The following NRG3 variants were observed in gnomAD, a reference collection of about 807,000 sequenced individuals.
NRG3 encodes neuregulin 3.
NRG3 carries 31 observed loss-of-function variants against 66.9 expected under a neutral mutation model. That is an observed-to-expected ratio of 0.46 (90% confidence interval 0.35 to 0.63). NRG3 has a LOEUF of 0.63. Among genes scored for constraint, NRG3 ranks in the 20% least tolerant of loss-of-function variants. The pLI is 0.00. For synonymous variants in NRG3, 393 were observed against 359.4 expected, an observed-to-expected ratio of 1.09 and a Z score of -1.06; for missense variants, 910 against 878.9, an observed-to-expected ratio of 1.04 and a Z score of -0.45.
intron 6 of NRG3, among the ~76,000 whole-genome samples, chr10:82,968,683 G>A (rs1851440544): frequency 6.6e-6 from 1 of 151,758 alleles, no homozygotes; most frequent in African/African-American, 2.4e-5. Context: ...GAGGCAGGGA[G>A]GGAGGAAGGG....
intron 1 of NRG3, among the ~76,000 whole-genome samples, chr10:82,018,604 A>G (rs539823858): frequency 2.0e-5 from 3 of 152,100 alleles, no homozygotes; most frequent in Admixed American, 6.5e-5. Context: ...ATCCTCTTTT[A>G]TTTCGTTGAG....
At chr10:82,818,695 C>G (rs562012316) in intron 3 of NRG3, among the ~76,000 whole-genome samples, 2 of 152,216 alleles carry the variant, frequency 1.3e-5, no homozygotes, top group South Asian at 4.1e-4. Context: ...AATTCCAGGG[C>G]TGCACAGATC....
At position 82,067,406 on chromosome 10, in the gene NRG3, C is replaced by T. The variant is rs556576925; in HGVS notation, c.823+191243C>T. Among the ~76,000 whole-genome samples the T allele has an allele frequency of 1.8e-4, 27 of 152,280 alleles. No individual in the cohort carries two copies. In the South Asian group the frequency reaches 4.6e-3, roughly 26 times the overall value. ...GGAGACAGAGCCTTGCTCTATCCCC[C>T]AGGCGCAATCTTGCCCACTGCAACC... is the stretch of plus-strand genomic sequence containing the variant. On this transcript the variant is annotated intron_variant, in intron 1 of 8. Coordinates refer to ENST00000372141, the MANE Select transcript of NRG3 (RefSeq NM_001010848.4).
At chr10:82,080,606 GTAAC>G (rs1348096764) in intron 1 of NRG3, among the ~76,000 whole-genome samples, 6 of 152,030 alleles carry the variant, frequency 3.9e-5, no homozygotes, top group South Asian at 2.1e-4. Flanking sequence ...AGCTAAGTGA[GTAAC>G]TAAGTTTCAA....
At chr10:82,266,226 T>C (rs889729161) in intron 1 of NRG3, among the ~76,000 whole-genome samples, 5 of 152,130 alleles carry the variant, frequency 3.3e-5, no homozygotes, top group African/African-American at 1.2e-4. Flanking sequence ...ATTGAGCCTA[T>C]TGGTCTCAGT....
chr10:82,850,296 C>A (rs189045706), intron 3 of NRG3, among the ~76,000 whole-genome samples: 2 of 152,218 alleles, frequency 1.3e-5, no homozygotes, highest in Admixed American at 6.5e-5. Flanking sequence ...AGGTTATCAA[C>A]CATTACAAGA....
At chr10:82,897,965 A>C (rs993351462) in intron 4 of NRG3, among the ~76,000 whole-genome samples, 1 of 152,184 alleles carries the variant, frequency 6.6e-6, no homozygotes, top group Non-Finnish European at 1.5e-5. Context: ...AGCACTTACT[A>C]TAAGGAGGAA....
At position 82,979,201 on chromosome 10, in the gene NRG3, GT is replaced by G. The variant is rs1276211386; in HGVS notation, c.1583+85del. The G allele has an allele frequency of 1.9e-5, 27 of 1,403,890 alleles. No individual in the cohort carries two copies. In the African/African-American group the frequency reaches 3.3e-4, roughly 17 times the overall value. 87.0% of individuals were successfully genotyped at this position (1,403,890 alleles called of 1,614,324 possible). ...TAAGTTAAGTTTTAAGTTCCTTGGG[GT>G]TTTATTCATTGATTTATTCATTAAC... On this transcript the variant is annotated intron_variant, in intron 8 of 8. Coordinates refer to ENST00000372141, the MANE Select transcript of NRG3 (RefSeq NM_001010848.4).
At chr10:82,682,727 A>T (rs2054198785) in intron 2 of NRG3, among the ~76,000 whole-genome samples, 1 of 152,104 alleles carries the variant, frequency 6.6e-6, no homozygotes, top group South Asian at 2.1e-4. Context: ...TTTGATGGAG[A>T]CTTAAAGCTT....
rs141276273 is a variant in NRG3, at chr10:82,486,555, C to T, written c.953+127687C>T. ...TCAGCCTCCCAAGTAGCTGGGATTA[C>T]AGGCATGTGCCACCCCACCTGGCTA... On this transcript the variant is annotated intron_variant, in intron 2 of 8. Transcript: ENST00000372141. Among the ~76,000 whole-genome samples, 676 of 152,182 alleles carry T rather than the reference C, an allele frequency of 4.4e-3. 3 individuals are homozygous for T. The highest frequency in any genetic ancestry group is 0.016 in the African/African-American group (652 of 41,524).
At chr10:82,760,502 G>A (rs1262303680) in intron 3 of NRG3, among the ~76,000 whole-genome samples, 1 of 152,024 alleles carries the variant, frequency 6.6e-6, no homozygotes, top group African/African-American at 2.4e-5. Flanking sequence ...ATAATTAATA[G>A]CGAAGCATAA....
chr10:82,911,086 T>C (rs569462247), intron 4 of NRG3, among the ~76,000 whole-genome samples: 3 of 152,344 alleles, frequency 2.0e-5, no homozygotes, highest in East Asian at 3.9e-4. Context: ...GAATTTTCCA[T>C]TTAGCATGGG....
chr10:82,949,629 C>A (rs1849331797), intron 4 of NRG3, among the ~76,000 whole-genome samples: 8 of 152,024 alleles, frequency 5.3e-5, no homozygotes, highest in Admixed American at 5.2e-4. Context: ...CCGAGGCAGG[C>A]AGATCAGCTG....
intron 1 of NRG3, among the ~76,000 whole-genome samples, chr10:82,319,204 G>T (rs1241281694): frequency 1.3e-5 from 2 of 152,230 alleles, no homozygotes; most frequent in African/African-American, 2.4e-5. Context: ...TGGCCCTGCA[G>T]AGCTGGCTGC....
At chr10:82,656,299 T>C (rs1158867247) in intron 2 of NRG3, among the ~76,000 whole-genome samples, 1 of 114,816 alleles carries the variant, frequency 8.7e-6, no homozygotes, top group Non-Finnish European at 1.9e-5. Flanking sequence ...CTTTCTTTCT[T>C]TCTTTTTTCT....
chr10:82,539,789 C>T (rs111863771), intron 2 of NRG3, among the ~76,000 whole-genome samples: 17 of 152,086 alleles, frequency 1.1e-4, no homozygotes, highest in African/African-American at 3.6e-4. Flanking sequence ...CTTGCCACCA[C>T]GGCCAGCTAA....
chr10:82,307,411 A>G (rs1037275761), intron 1 of NRG3, among the ~76,000 whole-genome samples: 2 of 152,220 alleles, frequency 1.3e-5, no homozygotes, highest in African/African-American at 4.8e-5. Context: ...TTTGACATGA[A>G]GTCACTGGTT....
At chr10:82,342,121 A>G (rs1014052765) in intron 1 of NRG3, among the ~76,000 whole-genome samples, 3 of 151,584 alleles carry the variant, frequency 2.0e-5, no homozygotes, top group Non-Finnish European at 4.4e-5. Flanking sequence ...GGAATATGGT[A>G]TTTATGTTAT....
At chr10:82,495,640 TTCTTTACAAAATTACAAA>T (rs1384289149) in intron 2 of NRG3, among the ~76,000 whole-genome samples, 7 of 152,162 alleles carry the variant, frequency 4.6e-5, no homozygotes, top group East Asian at 1.9e-4. Flanking sequence ...TTAAAGGGTC[TTCTTTACAAAATTACAAA>T]TCTTTACAAA....
Sources: allele counts gnomAD v4.1 joint callset (sites outside exome capture counted in the v4.1 genomes callset), GRCh38; gene constraint gnomAD v4.1.1; transcripts MANE v1.5; gene names NCBI Gene and HGNC (gene_info 2026-07-23, HGNC 2026-07-21).